Variants in DAB1 observed in about 807,000 individuals in gnomAD.
DAB1 encodes the protein DAB adaptor protein 1.
DAB1 carries 15 observed loss-of-function variants against 64.6 expected under a neutral mutation model. The ratio of observed to expected loss-of-function variants is 0.23; its 90% CI spans 0.16 to 0.36. The LOEUF is 0.36. Ranked by LOEUF, DAB1 falls within the 10% of genes least tolerant of loss-of-function variation. The pLI, the probability that DAB1 is intolerant of heterozygous loss-of-function variation, is 1.00. For synonymous variants in DAB1, 235 were observed against 251.9 expected (o/e 0.93, Z 0.64); for missense variants, 596 against 706.7 (o/e 0.84, Z 1.78).
intron 7 of DAB1, among the ~76,000 whole-genome samples, chr1:57,596,547 C>A (rs1162579780): frequency 6.6e-6 from 1 of 151,798 alleles, no homozygotes; most frequent in Non-Finnish European, 1.5e-5. Context: ...CTGTCTGAAG[C>A]CCTGGGGCTA....
chr1:57,475,696 C>A (rs549956754), intron 7 of DAB1, among the ~76,000 whole-genome samples: 9 of 152,302 alleles, frequency 5.9e-5, no homozygotes, highest in African/African-American at 2.2e-4. Flanking sequence ...CCAGGACTGA[C>A]TGGCTCCTAA....
intron 4 of DAB1, among the ~76,000 whole-genome samples, chr1:58,332,696 A>G (rs1662999387): frequency 6.6e-6 from 1 of 152,210 alleles, no homozygotes; most frequent in East Asian, 1.9e-4. Flanking sequence ...CCAAGAAAGG[A>G]ATGATAATCA....
intron 4 of DAB1, among the ~76,000 whole-genome samples, chr1:58,314,080 TC>T (rs1557729270): frequency 6.6e-6 from 1 of 152,288 alleles, no homozygotes. Flanking sequence ...TTCCTGATTA[TC>T]TGGTTATTGC....
chr1:57,918,184 C>CA (rs911492080), intron 5 of DAB1, among the ~76,000 whole-genome samples: 5 of 151,142 alleles, frequency 3.3e-5, no homozygotes, highest in Admixed American at 1.3e-4. Context: ...TTAAAACAAA[C>CA]AAAAAAAAGA....
At chr1:57,872,293 G>C (rs1358091155) in intron 1 of DAB1, among the ~76,000 whole-genome samples, 1 of 152,118 alleles carries the variant, frequency 6.6e-6, no homozygotes, top group Non-Finnish European at 1.5e-5. Flanking sequence ...TCATGGAAGT[G>C]GAGCCCTTAT....
chr1:57,548,087 T>C (rs937437869), intron 7 of DAB1, among the ~76,000 whole-genome samples: 1 of 152,172 alleles, frequency 6.6e-6, no homozygotes, highest in East Asian at 1.9e-4. Flanking sequence ...TAATAGGTTA[T>C]TTATAAATAT....
rs17115394 is a variant in DAB1, at chr1:57,215,662, T to A, written c.68-70233A>T. Among the ~76,000 whole-genome samples the A allele has an allele frequency of 3.8e-3, 575 of 152,322 alleles. 2 individuals carry two copies. Among genetic ancestry groups the A allele is most frequent in the African/African-American group, 0.013 (543 of 41,584 alleles). ...TTCTATAACCTTTCTTAGAAGGTCA[T>A]CCCACTTCGAATGGAAACACAGTGA... On this transcript the variant is annotated intron_variant, in intron 2 of 14. Coordinates refer to ENST00000371236, the MANE Select transcript of DAB1 (RefSeq NM_001365792.1).
chr1:58,228,695 A>C (rs1163599131), intron 4 of DAB1: 2 of 1,142,906 alleles, frequency 1.7e-6, no homozygotes, highest in African/African-American at 3.1e-5. Context: ...AGTACCTCTT[A>C]GCCTTGCCCT....
intron 2 of DAB1, among the ~76,000 whole-genome samples, chr1:57,216,434 G>A (rs1184835008): frequency 6.6e-6 from 1 of 152,016 alleles, no homozygotes; most frequent in African/African-American, 2.4e-5. Context: ...TATAAAGTAC[G>A]GGAAAAGTTA....
intron 1 of DAB1, among the ~76,000 whole-genome samples, chr1:57,324,842 T>G (rs2100776470): frequency 6.6e-6 from 1 of 152,196 alleles, no homozygotes; most frequent in Admixed American, 6.5e-5. Flanking sequence ...ACCACTACCC[T>G]CAATGCCTGC....
At position 57,772,001 on chromosome 1, in the gene DAB1, T is replaced by C. The variant is rs140604336; in HGVS notation, n.551+111998A>G. On this transcript the variant is annotated intron_variant and non_coding_transcript_variant, in intron 6 of 20. Coordinates refer to the DAB1 transcript ENST00000485760. ...CACAATTTGCTAATCTATTCACTTG[T>C]TGCTGTGGTTTGAATGTGTCCCCCA... is the stretch of plus-strand genomic sequence containing the variant. Among the ~76,000 whole-genome samples the C allele has an allele frequency of 1.6e-4, 24 of 152,260 alleles. 1 individual carries two copies. The East Asian group carries it at 3.9e-3, about 25-fold the overall frequency.
intron 6 of DAB1, among the ~76,000 whole-genome samples, chr1:57,732,967 A>C (rs1647508181): frequency 6.6e-6 from 1 of 152,196 alleles, no homozygotes; most frequent in Admixed American, 6.5e-5. Context: ...TTCCTTTTGC[A>C]TGGTGCCCTG....
chr1:57,042,156 G>A (rs1647869026), intron 9 of DAB1, among the ~76,000 whole-genome samples: 1 of 152,174 alleles, frequency 6.6e-6, no homozygotes, highest in Non-Finnish European at 1.5e-5. Context: ...CTAGAGCTCT[G>A]AGGATCGAAT....
At chr1:57,885,612 T>C (rs1262191859), upstream of DAB1, among the ~76,000 whole-genome samples, 1 of 152,316 alleles carries the variant, frequency 6.6e-6, no homozygotes, top group African/African-American at 2.4e-5. Flanking sequence ...GAAGAAAACA[T>C]TAACAAAATA....
chr1:58,063,916 G>C (rs1434066955), intron 5 of DAB1, among the ~76,000 whole-genome samples: 1 of 152,168 alleles, frequency 6.6e-6, no homozygotes, highest in Non-Finnish European at 1.5e-5. Context: ...AGAAAGTGAG[G>C]AATACATGAA....
intron 1 of DAB1, among the ~76,000 whole-genome samples, chr1:57,393,507 C>CA (rs1682558407): frequency 6.6e-6 from 1 of 151,680 alleles, no homozygotes; most frequent in South Asian, 2.1e-4. Flanking sequence ...GCCTGGGCAA[C>CA]ATGGTGAGGC....
At chr1:57,735,609 G>GTTTT (rs59456674) in intron 6 of DAB1, among the ~76,000 whole-genome samples, 397 of 94,720 alleles carry the variant, frequency 4.2e-3, no homozygotes, top group East Asian at 6.5e-3. Flanking sequence ...CTGTTTGCTT[G>GTTTT]TTTTTTTTTT....
intron 6 of DAB1, among the ~76,000 whole-genome samples, chr1:57,770,795 A>G (rs562296414): frequency 5.3e-5 from 8 of 152,256 alleles, no homozygotes; most frequent in Non-Finnish European, 1.2e-4. Flanking sequence ...ACAGTGTATT[A>G]TTATAGTATA....
chr1:57,198,481 C>T (rs929529615), intron 2 of DAB1, among the ~76,000 whole-genome samples: 5 of 152,138 alleles, frequency 3.3e-5, no homozygotes, highest in Admixed American at 6.5e-5. Context: ...ACTCATCTTT[C>T]ACCACTCTCA....
Sources: gnomAD v4.1 joint callset for allele counts (sites outside exome capture counted in the v4.1 genomes callset) on GRCh38, gnomAD v4.1.1 for gene constraint, MANE v1.5 for transcripts, NCBI Gene and HGNC (gene_info 2026-07-23, HGNC 2026-07-21) for gene names.